The following ADCK1 variants were observed in gnomAD, a reference collection of about 807,000 sequenced individuals.
ADCK1 encodes aarF domain containing kinase 1.
ADCK1 carries 41 observed loss-of-function variants against 52.3 expected under a neutral mutation model. The ratio of observed to expected loss-of-function variants is 0.78; its 90% confidence interval spans 0.61 to 1.02. ADCK1 has a LOEUF of 1.02. ADCK1 is among the 50% of genes least tolerant of loss of function. The probability of loss-of-function intolerance (pLI) is 0.00; values close to 1 mark genes in which losing one functional copy is unlikely to be tolerated. For synonymous variants in ADCK1, 250 were observed against 274.6 expected (o/e 0.91, Z 0.89); for missense variants, 658 against 679.5 (o/e 0.97, Z 0.35).
At chr14:77,835,704 T>C (rs1356444083) in intron 3 of ADCK1, among the ~76,000 whole-genome samples, 1 of 152,238 alleles carries the variant, frequency 6.6e-6, no homozygotes, top group Non-Finnish European at 1.5e-5. Context: ...CATGGCTCAC[T>C]GCATCACTGC....
At chr14:77,907,292 C>A (rs938929171) in intron 6 of ADCK1, among the ~76,000 whole-genome samples, 3 of 152,092 alleles carry the variant, frequency 2.0e-5, no homozygotes, top group African/African-American at 7.2e-5. Flanking sequence ...TGTTGTCTGC[C>A]CCAGGAAACG....
At position 77,827,981 on chromosome 14, in the gene ADCK1, A is replaced by G; in HGVS notation, c.219+5463A>G. The stretch of plus-strand genomic sequence containing the variant: ...GTAGCTGGGACTACAGGTGAGTGCC[A>G]CCATGCCCGGATAATTTTTTGTGTT... On this transcript the variant is annotated intron_variant, in intron 3 of 10. Transcript: ENST00000238561. The G allele has an allele frequency of 1.0e-5, 3 of 298,402 alleles. 1 individual carries two copies. The highest frequency in any genetic ancestry group is 7.8e-5 in the South Asian group (3 of 38,422). The allele number at this position is 298,402 out of a possible 1,614,324, so 18.5% of individuals were successfully genotyped here.
chr14:77,931,718 G>A lies in ADCK1; in HGVS notation c.1400+7G>A. ...GCATCAGAGCGCTAGCTGAGTGAGTGTGGGCTCCTCCCTCTCCTCCCCTCC... is the reference window on the plus strand; with the variant it reads ...GCATCAGAGCGCTAGCTGAGTGAGTATGGGCTCCTCCCTCTCCTCCCCTCC... On this transcript the variant is annotated splice_region_variant and intron_variant, in intron 10 of 10. Transcript: ENST00000238561. The A allele has an allele frequency of 6.3e-7, 1 of 1,598,858 alleles. No individual in the cohort carries two copies. Among genetic ancestry groups the A allele is most frequent in the Non-Finnish European group, 8.5e-7 (1 of 1,177,826 alleles).
chr14:77,903,887 G>C (rs1296828265), intron 6 of ADCK1, among the ~76,000 whole-genome samples: 1 of 152,036 alleles, frequency 6.6e-6, no homozygotes, highest in Non-Finnish European at 1.5e-5. Flanking sequence ...CTTTTTTGCA[G>C]AGTGATTTAT....
chr14:77,828,714 A>T (rs1398577279), intron 3 of ADCK1, among the ~76,000 whole-genome samples: 1 of 151,996 alleles, frequency 6.6e-6, no homozygotes, highest in Non-Finnish European at 1.5e-5. Context: ...TTTAGTAGAG[A>T]CGGGGTTTCA....
intron 5 of ADCK1, among the ~76,000 whole-genome samples, chr14:77,889,228 T>G (rs1030780354): frequency 2.6e-5 from 4 of 152,230 alleles, no homozygotes; most frequent in Non-Finnish European, 4.4e-5. Context: ...TTTAGCAGCG[T>G]GAGAACAGAC....
At chr14:77,839,685 G>A (rs1258649905) in intron 3 of ADCK1, among the ~76,000 whole-genome samples, 1 of 152,106 alleles carries the variant, frequency 6.6e-6, no homozygotes, top group Admixed American at 6.5e-5. Flanking sequence ...TGTAATCCCA[G>A]CACTTTGGGA....
chr14:77,894,795 C>CA (rs369570529), intron 5 of ADCK1, among the ~76,000 whole-genome samples: 198 of 109,988 alleles, frequency 1.8e-3, no homozygotes, highest in African/African-American at 6.1e-3. Context: ...TATTGCCGCC[C>CA]AGGCTGGAGT....
intron 5 of ADCK1, among the ~76,000 whole-genome samples, chr14:77,887,744 C>T (rs1021691547): frequency 1.1e-4 from 17 of 152,180 alleles, no homozygotes; most frequent in African/African-American, 3.9e-4. Context: ...AAGAAATTCA[C>T]GTGTCTGAAC....
At chr14:77,893,171 G>A (rs561680034) in intron 5 of ADCK1, among the ~76,000 whole-genome samples, 163 of 152,312 alleles carry the variant, frequency 1.1e-3, no homozygotes, top group African/African-American at 3.8e-3. Context: ...GACTCTTATT[G>A]ATTTGAATGG....
At chr14:77,838,066 G>T (rs886785786) in intron 3 of ADCK1, among the ~76,000 whole-genome samples, 2 of 152,176 alleles carry the variant, frequency 1.3e-5, no homozygotes, top group African/African-American at 4.8e-5. Context: ...TAATCTAATA[G>T]CCTGTTCTTG....
intron 4 of ADCK1, among the ~76,000 whole-genome samples, chr14:77,861,736 G>C (rs1435107818): frequency 1.3e-5 from 2 of 152,216 alleles, no homozygotes; most frequent in African/African-American, 4.8e-5. Context: ...TGCTTGGATG[G>C]TCAACAGCAG....
intron 3 of ADCK1, among the ~76,000 whole-genome samples, chr14:77,858,123 C>A (rs536512907): frequency 2.1e-4 from 32 of 152,300 alleles, no homozygotes; most frequent in African/African-American, 7.5e-4. Flanking sequence ...GTGCCTCATA[C>A]CCCCCACTAC....
At chr14:77,801,058 C>T (rs1413851189) in intron 1 of ADCK1, among the ~76,000 whole-genome samples, 1 of 152,010 alleles carries the variant, frequency 6.6e-6, no homozygotes, top group Non-Finnish European at 1.5e-5. Context: ...AGTGAGACTC[C>T]CGTCTGTATT....
chr14:77,816,040 CAA>C (rs2081443101), intron 1 of ADCK1, among the ~76,000 whole-genome samples: 1 of 152,102 alleles, frequency 6.6e-6, no homozygotes, highest in Non-Finnish European at 1.5e-5. Flanking sequence ...CTCCTAACCT[CAA>C]GAGATCCGCC....
At chr14:77,806,927 C>G (rs1284654921) in intron 1 of ADCK1, among the ~76,000 whole-genome samples, 9 of 151,868 alleles carry the variant, frequency 5.9e-5, no homozygotes, top group Non-Finnish European at 1.3e-4. Context: ...GTTGCCTGAG[C>G]TGGTCTTGAA....
intron 4 of ADCK1, among the ~76,000 whole-genome samples, chr14:77,869,631 GTCTT>G (rs1167742828): frequency 6.6e-6 from 1 of 152,166 alleles, no homozygotes. Flanking sequence ...GGTGCATTAG[GTCTT>G]CTGTGGTTGT....
Position 77,923,557 on chromosome 14 carries a change from A to C in ADCK1, c.859-900A>C, listed in dbSNP as rs1048029608. 1.3e-5 allele frequency: 2 copies of C among 152,046 alleles called. No homozygotes were observed. The highest frequency in any genetic ancestry group is 1.3e-4 in the Admixed American group (2 of 15,274). 9.4% of individuals were successfully genotyped at this position (152,046 alleles called of 1,614,324 possible). A position where few individuals can be genotyped will look rare whatever the true frequency, so the allele number is the denominator to read the frequency against. On this transcript the variant is annotated intron_variant, in intron 7 of 10. Transcript: ENST00000238561. This position sits in a 1 kb window ranked among gnomAD's most constrained non-coding sequence, Gnocchi z 4.3. ...CCCCTCTGACCAGGTTAGGTTTGTT[A>C]ATGACCATGGGGTCTAGCCGAGGCC...
chr14:77,824,805 G>A (rs1218830400), intron 3 of ADCK1, among the ~76,000 whole-genome samples: 1 of 152,044 alleles, frequency 6.6e-6, no homozygotes, highest in Admixed American at 6.6e-5. Context: ...ATATATTAAG[G>A]TTGACATTTT....
Sources: allele counts gnomAD v4.1 joint callset (sites outside exome capture counted in the v4.1 genomes callset), GRCh38; gene constraint gnomAD v4.1.1; non-coding constraint Gnocchi (gnomAD v3.1); transcripts MANE v1.5; gene names NCBI Gene and HGNC (gene_info 2026-07-23, HGNC 2026-07-21).